Variants in UGT1A10 observed in about 807,000 individuals in gnomAD.
UGT1A10 encodes UDP-glucuronosyltransferase 1A10.
A neutral mutation model predicts 45.8 loss-of-function variants in UGT1A10; 49 were observed. The observed-to-expected ratio is 1.07, with a 90% CI of 0.85 to 1.36. The LOEUF is 1.36. UGT1A10 is among the 40% of genes most tolerant of loss of function. The pLI is 0.00. For missense variants in UGT1A10, 745 were observed against 668.6 expected, an observed-to-expected ratio of 1.11 and a Z score of -1.26; for synonymous variants, 284 against 249.7, an observed-to-expected ratio of 1.14 and a Z score of -1.29.
intron 1 of UGT1A10, chr2:233,693,911 C>T: frequency 6.2e-7 from 1 of 1,612,432 alleles, no homozygotes; most frequent in Non-Finnish European, 8.5e-7. Flanking sequence ...CTTCCAGGCT[C>T]TGTCCTCCCT....
intron 1 of UGT1A10, among the ~76,000 whole-genome samples, chr2:233,720,042 G>A (rs1048137470): frequency 2.6e-5 from 4 of 152,186 alleles, no homozygotes; most frequent in Non-Finnish European, 5.9e-5. Flanking sequence ...CTGATTTTCA[G>A]CTGAACGGTG....
intron 1 of UGT1A10, among the ~76,000 whole-genome samples, chr2:233,641,028 T>A (rs1281056748): frequency 6.6e-6 from 1 of 152,150 alleles, no homozygotes; most frequent in African/African-American, 2.4e-5. Context: ...GACCCTCAGC[T>A]GATAGAAAAA....
chr2:233,716,548 A>C (rs17864696), intron 1 of UGT1A10, among the ~76,000 whole-genome samples: 15,434 of 152,118 alleles, frequency 0.1, 897 homozygotes, highest in East Asian at 0.2. Context: ...CTCTCCTTAT[A>C]TTCCTTTTTT....
intron 1 of UGT1A10, chr2:233,719,217 C>T (rs1235910435): frequency 1.2e-6 from 2 of 1,614,064 alleles, no homozygotes; most frequent in Non-Finnish European, 1.7e-6. Flanking sequence ...GGAGCTACTG[C>T]ATAATGAGGC....
chr2:233,651,704 A>G (rs1305205614), intron 1 of UGT1A10, among the ~76,000 whole-genome samples: 1 of 152,200 alleles, frequency 6.6e-6, no homozygotes, highest in Non-Finnish European at 1.5e-5. Context: ...AGTTTGTTGT[A>G]TCTTGCTGGA....
intron 1 of UGT1A10, chr2:233,740,576 G>A (rs1691425375): frequency 6.6e-6 from 1 of 151,744 alleles, no homozygotes; most frequent in Non-Finnish European, 1.5e-5. Flanking sequence ...TGTTTTTTGG[G>A]ACCCTAATGA....
chr2:233,661,057 A>AC (rs1455769609), intron 1 of UGT1A10, among the ~76,000 whole-genome samples: 1 of 152,088 alleles, frequency 6.6e-6, no homozygotes, highest in Non-Finnish European at 1.5e-5. Flanking sequence ...TAACCATCCT[A>AC]CACCCACATA....
At chr2:233,746,881 A>T (rs1422259027) in intron 1 of UGT1A10, among the ~76,000 whole-genome samples, 1 of 151,740 alleles carries the variant, frequency 6.6e-6, no homozygotes, top group Non-Finnish European at 1.5e-5. Context: ...TGGTTAACAG[A>T]GAAGTAGGAG....
Position 233,769,751 on chromosome 2 carries a change from AG to A in UGT1A10, c.1295+1314del. 1 of 1,422,830 alleles carries A rather than the reference AG, an allele frequency of 7.0e-7. No homozygotes were observed. Among genetic ancestry groups the A allele is most frequent in the South Asian group, 1.5e-5 (1 of 65,502 alleles). 88.1% of individuals were successfully genotyped at this position (1,422,830 alleles called of 1,614,324 possible). On this transcript the variant is annotated intron_variant, in intron 4 of 4. Coordinates refer to ENST00000344644, the MANE Select transcript of UGT1A10 (RefSeq NM_019075.4). This position sits in a 1 kb window ranked among gnomAD's most constrained non-coding sequence, Gnocchi z 4.4. ...ACGCCTGTAGTCCCAGCCACTCTGGAGGCTAAGGCGGGAGGATTGCTTGAGC... is the reference window on the plus strand; with the variant it reads ...ACGCCTGTAGTCCCAGCCACTCTGGAGCTAAGGCGGGAGGATTGCTTGAGC...
chr2:233,667,098 T>C (rs1258593416), intron 1 of UGT1A10, among the ~76,000 whole-genome samples: 7 of 152,182 alleles, frequency 4.6e-5, no homozygotes, highest in African/African-American at 1.7e-4. Flanking sequence ...TGAATAGTGC[T>C]GCAATAAACA....
At chr2:233,677,264 A>C (rs1001758295) in intron 1 of UGT1A10, among the ~76,000 whole-genome samples, 1 of 152,136 alleles carries the variant, frequency 6.6e-6, no homozygotes, top group Non-Finnish European at 1.5e-5. Context: ...ATCCCTAAGT[A>C]TATCATGTTT....
chr2:233,686,936 G>A (rs758142636), intron 1 of UGT1A10, among the ~76,000 whole-genome samples: 1 of 152,188 alleles, frequency 6.6e-6, no homozygotes, highest in Non-Finnish European at 1.5e-5. Flanking sequence ...GCTGACTCAT[G>A]CAGGGAAGCT....
intron 1 of UGT1A10, among the ~76,000 whole-genome samples, chr2:233,750,311 G>A (rs1694421303): frequency 6.6e-6 from 1 of 151,966 alleles, no homozygotes; most frequent in Admixed American, 6.5e-5. Flanking sequence ...CTAGAGATCT[G>A]TGGAACTTTG....
At chr2:233,673,119 G>T (rs1020040608) in intron 1 of UGT1A10, among the ~76,000 whole-genome samples, 1 of 151,998 alleles carries the variant, frequency 6.6e-6, no homozygotes, top group African/African-American at 2.4e-5. Flanking sequence ...CAGAGGAAAT[G>T]GTCTTAGTTT....
intron 1 of UGT1A10, among the ~76,000 whole-genome samples, chr2:233,647,339 T>C (rs1324783899): frequency 6.6e-6 from 1 of 152,214 alleles, no homozygotes; most frequent in Non-Finnish European, 1.5e-5. Context: ...TGAGGATCTG[T>C]AGTTTTTGTA....
intron 1 of UGT1A10, among the ~76,000 whole-genome samples, chr2:233,746,122 CTG>C: frequency 6.6e-6 from 1 of 151,872 alleles, no homozygotes; most frequent in Non-Finnish European, 1.5e-5. Flanking sequence ...GTCTGCAAAA[CTG>C]TGGACTGGCA....
chr2:233,718,680 G>A (rs2076674900), intron 1 of UGT1A10: 2 of 1,570,166 alleles, frequency 1.3e-6, no homozygotes, highest in Non-Finnish European at 1.7e-6. Flanking sequence ...TGGGTAATAA[G>A]TAACTGGAGG....
intron 1 of UGT1A10, among the ~76,000 whole-genome samples, chr2:233,676,125 C>A (rs775805824): frequency 3.9e-5 from 6 of 152,174 alleles, no homozygotes; most frequent in South Asian, 2.1e-4. Flanking sequence ...AAGACCCACC[C>A]TGGGGTCCTT....
At chr2:233,641,160 C>T (rs2073441801) in intron 1 of UGT1A10, among the ~76,000 whole-genome samples, 1 of 152,168 alleles carries the variant, frequency 6.6e-6, no homozygotes, top group African/African-American at 2.4e-5. Flanking sequence ...TCTTCTCTTG[C>T]TGACTATCTT....
Sources: allele counts gnomAD v4.1 joint callset (sites outside exome capture counted in the v4.1 genomes callset), GRCh38; gene constraint gnomAD v4.1.1; non-coding constraint Gnocchi (gnomAD v3.1); transcripts MANE v1.5; gene names NCBI Gene and HGNC (gene_info 2026-07-23, HGNC 2026-07-21).